CAMK4: variants seen among roughly 807,000 people sequenced by gnomAD.
CAMK4 encodes calcium/calmodulin-dependent protein kinase type IV.
CAMK4 carries 22 observed loss-of-function variants against 44.9 expected under a neutral mutation model. The ratio of observed to expected loss-of-function variants is 0.49; its 90% confidence interval spans 0.35 to 0.70. CAMK4 has a LOEUF of 0.70. Ranked by LOEUF, CAMK4 falls within the 30% of genes least tolerant of loss-of-function variation. The pLI is 0.01. For synonymous variants in CAMK4, 218 were observed against 215.4 expected, an observed-to-expected ratio of 1.01 and a Z score of -0.11; for missense variants, 498 against 586.8, an observed-to-expected ratio of 0.85 and a Z score of 1.56.
intron 1 of CAMK4, among the ~76,000 whole-genome samples, chr5:111,338,531 T>G (rs999051033): frequency 1.3e-5 from 2 of 151,352 alleles, no homozygotes; most frequent in South Asian, 4.1e-4. Context: ...TAGGCAAAAA[T>G]TCTTTGCCAA....
chr5:111,476,769 C>T (rs1755261561), intron 8 of CAMK4, among the ~76,000 whole-genome samples: 1 of 152,156 alleles, frequency 6.6e-6, no homozygotes, highest in Non-Finnish European at 1.5e-5. Context: ...GCCTTATGAT[C>T]TGATCAGAAA....
At chr5:111,432,642 A>ATGTGTG (rs1416722236) in intron 5 of CAMK4, among the ~76,000 whole-genome samples, 1 of 133,106 alleles carries the variant, frequency 7.5e-6, no homozygotes, top group African/African-American at 3.1e-5. Flanking sequence ...ATATACATAT[A>ATGTGTG]TATATGTATA....
intron 5 of CAMK4, among the ~76,000 whole-genome samples, chr5:111,414,472 C>A (rs886297438): frequency 1.1e-4 from 17 of 152,260 alleles, no homozygotes; most frequent in African/African-American, 3.6e-4. Flanking sequence ...CAAACATCAG[C>A]ATCTTCAGTA....
chr5:111,488,452 C>A lies in CAMK4; in HGVS notation c.*3986C>A, dbSNP rs12519259. The A allele has an allele frequency of 1.3e-5, 2 of 152,122 alleles. No homozygotes were observed. Among genetic ancestry groups the A allele is most frequent in the Non-Finnish European group, 2.9e-5 (2 of 68,004 alleles). 9.4% of individuals were successfully genotyped at this position (152,122 alleles called of 1,614,324 possible). A position where few individuals can be genotyped will look rare whatever the true frequency, so the allele number is the denominator to read the frequency against. On this transcript the variant is annotated 3_prime_UTR_variant, in exon 11 of 11. Transcript: ENST00000282356. ...AGTGGAAGACTTAAAAAGAAAGGAA[C>A]AATTTTTACTGTGACTTCAATTTCA...
At chr5:111,289,414 AT>A (rs949498961) in intron 1 of CAMK4, among the ~76,000 whole-genome samples, 60 of 152,298 alleles carry the variant, frequency 3.9e-4, no homozygotes, top group African/African-American at 1.3e-3. Context: ...AGGGACCTTT[AT>A]TTTTTGTGAA....
intron 1 of CAMK4, among the ~76,000 whole-genome samples, chr5:111,311,431 A>G (rs1471484916): frequency 1.3e-5 from 2 of 151,658 alleles, no homozygotes; most frequent in Non-Finnish European, 2.9e-5. Context: ...TGTATGAAAA[A>G]CTCTAAATAG....
intron 3 of CAMK4, among the ~76,000 whole-genome samples, chr5:111,375,362 T>A (rs928367717): frequency 2.2e-4 from 33 of 152,290 alleles, no homozygotes; most frequent in African/African-American, 7.9e-4. Context: ...TGTACTTGAA[T>A]GCAGAAAATA....
intron 8 of CAMK4, among the ~76,000 whole-genome samples, chr5:111,476,684 C>T (rs31621): frequency 0.82 from 125,307 of 152,048 alleles, 52,411 homozygotes; most frequent in African/African-American, 0.95. Context: ...TTCTATTTTT[C>T]CTCCCAGGAA....
intron 1 of CAMK4, among the ~76,000 whole-genome samples, chr5:111,298,261 A>G (rs1162408656): frequency 1.3e-5 from 2 of 152,252 alleles, no homozygotes; most frequent in Non-Finnish European, 2.9e-5. Flanking sequence ...TATAAAACCA[A>G]AAATAGTAAA....
chr5:111,255,275 T>C (rs1561365312), intron 1 of CAMK4, among the ~76,000 whole-genome samples: 1 of 152,196 alleles, frequency 6.6e-6, no homozygotes, highest in Non-Finnish European at 1.5e-5. Flanking sequence ...ATCACTTCCA[T>C]TGGATCTGCT....
At chr5:111,374,967 C>T in intron 3 of CAMK4, 55 bp downstream of exon 3, 1 of 1,201,956 alleles carries the variant, frequency 8.3e-7, no homozygotes, top group Non-Finnish European at 1.2e-6. Flanking sequence ...GAGAAAGGGA[C>T]CTTTGTCCTT....
Position 111,487,908 on chromosome 5 carries a change from C to CT in CAMK4, c.*3443dup, listed in dbSNP as rs1411178374. On this transcript the variant is annotated 3_prime_UTR_variant, in exon 11 of 11. Coordinates refer to ENST00000282356, the MANE Select transcript of CAMK4 (RefSeq NM_001744.6). ...CTGAGTAAAAGCTTATTGACCACTC[C>CT]TGCCCATTCATTTACTTCAGAGGAG... 1 of 152,194 alleles carries CT rather than the reference C, an allele frequency of 6.6e-6. No homozygotes were observed. The highest frequency in any genetic ancestry group is 1.9e-4 in the East Asian group (1 of 5,192). 9.4% of individuals were successfully genotyped at this position (152,194 alleles called of 1,614,324 possible).
intron 2 of CAMK4, among the ~76,000 whole-genome samples, chr5:111,350,726 A>C (rs1750071017): frequency 1.3e-5 from 2 of 152,122 alleles, no homozygotes; most frequent in South Asian, 4.1e-4. Context: ...ACATTCACCT[A>C]GCAAATGTCT....
intron 1 of CAMK4, among the ~76,000 whole-genome samples, chr5:111,310,847 T>C (rs1423341941): frequency 6.6e-6 from 1 of 152,172 alleles, no homozygotes; most frequent in African/African-American, 2.4e-5. Context: ...TATGTGCATT[T>C]GGGATGCTTT....
intron 4 of CAMK4, among the ~76,000 whole-genome samples, chr5:111,382,200 T>C (rs1751443304): frequency 6.6e-6 from 1 of 152,178 alleles, no homozygotes; most frequent in Non-Finnish European, 1.5e-5. Flanking sequence ...AGCATACACT[T>C]AAAAAGTTAT....
chr5:111,448,886 G>T (rs999179169), intron 6 of CAMK4, among the ~76,000 whole-genome samples: 1 of 152,144 alleles, frequency 6.6e-6, no homozygotes, highest in Non-Finnish European at 1.5e-5. Flanking sequence ...GAAGAACAAA[G>T]ATTAAATATA....
At chr5:111,294,691 G>C (rs1200632441) in intron 1 of CAMK4, among the ~76,000 whole-genome samples, 1 of 148,570 alleles carries the variant, frequency 6.7e-6, no homozygotes, top group Admixed American at 6.7e-5. Context: ...TTTTTTTTGA[G>C]AAAATCCAGT....
rs1247856857 is a variant in CAMK4 at position 111,484,599 on chromosome 5, A to C, written c.*133A>C. 4 of 478,498 alleles carry C rather than the reference A, an allele frequency of 8.4e-6. No individual in the cohort carries two copies. Among genetic ancestry groups the C allele is most frequent in the Non-Finnish European group, 7.0e-6 (2 of 287,544 alleles). 29.6% of individuals were successfully genotyped at this position (478,498 alleles called of 1,614,324 possible). A position where few individuals can be genotyped will look rare whatever the true frequency, so the allele number is the denominator to read the frequency against. On this transcript the variant is annotated 3_prime_UTR_variant, in exon 11 of 11. Coordinates refer to ENST00000282356, the MANE Select transcript of CAMK4 (RefSeq NM_001744.6). The surrounding 1 kb of genome is among the most constrained non-coding windows in gnomAD (Gnocchi z 5.3). ...GGTGCAAAAAACATACATATATACCAGTTGGTAATTCTAACTTCAATGCAT... is the reference window on the plus strand; with the variant it reads ...GGTGCAAAAAACATACATATATACCCGTTGGTAATTCTAACTTCAATGCAT...
intron 9 of CAMK4, among the ~76,000 whole-genome samples, chr5:111,479,026 G>A (rs1755341268): frequency 6.6e-6 from 1 of 152,068 alleles, no homozygotes; most frequent in Admixed American, 6.6e-5. Flanking sequence ...ACAGGTGCAT[G>A]CCACCACACC....
Sources: allele counts gnomAD v4.1 joint callset (sites outside exome capture counted in the v4.1 genomes callset), GRCh38; gene constraint gnomAD v4.1.1; non-coding constraint Gnocchi (gnomAD v3.1); transcripts MANE v1.5; gene names NCBI Gene and HGNC (gene_info 2026-07-23, HGNC 2026-07-21).